The following SLC30A8 variants were observed in gnomAD, a reference collection of about 807,000 sequenced individuals.
SLC30A8 encodes solute carrier family 30 member 8, also known as proton-coupled zinc antiporter SLC30A8.
Under a neutral mutation model 36.9 loss-of-function variants are expected in SLC30A8, and 27 were observed. The observed-to-expected ratio is 0.73, with a 90% CI of 0.54 to 1.01. The LOEUF is 1.01. Among genes scored for constraint, SLC30A8 ranks in the 50% least tolerant of loss-of-function variants. The probability of loss-of-function intolerance (pLI) is 0.00; values close to 1 mark genes in which losing one functional copy is unlikely to be tolerated. For synonymous variants in SLC30A8, 164 were observed against 172.4 expected (o/e 0.95, Z 0.38); for missense variants, 439 against 452.0 (o/e 0.97, Z 0.26).
chr8:117,166,766 A>ATTT (rs71305462), intron 6 of SLC30A8, among the ~76,000 whole-genome samples: 6,593 of 128,556 alleles, frequency 0.051, 255 homozygotes, highest in South Asian at 0.11. Context: ...ACATTAGCTG[A>ATTT]TTTTTTTTTT....
In SLC30A8 at chr8:116,987,628, A is replaced by G. The variant is rs540405397; in HGVS notation, c.-266+36509A>G. Among the ~76,000 whole-genome samples the G allele has an allele frequency of 1.4e-3, 170 of 123,428 alleles. 3 individuals are homozygous for G. Among genetic ancestry groups the G allele is most frequent in the South Asian group, 9.1e-3 (41 of 4,490 alleles). 81.0% of individuals were successfully genotyped at this position (123,428 alleles called of 152,430 possible). ...ATCTCACTACTATTTACCAAAAAAG[A>G]AAAAAAAAAATCCATAGCCTGTGAG... is the stretch of plus-strand genomic sequence containing the variant. On this transcript the variant is annotated intron_variant, in intron 1 of 10. Coordinates refer to the SLC30A8 transcript ENST00000427715.
intron 2 of SLC30A8, among the ~76,000 whole-genome samples, chr8:117,061,583 A>G (rs1388062820): frequency 6.6e-6 from 1 of 152,228 alleles, no homozygotes; most frequent in Non-Finnish European, 1.5e-5. Flanking sequence ...TTTAAATAAT[A>G]CCAAAATATT....
Position 117,157,773 on chromosome 8 carries a change from G to A in SLC30A8, c.501G>A (p.Leu167=), listed in dbSNP as rs560531972. 1.2e-6 allele frequency: 2 copies of A among 1,614,128 alleles called. No homozygotes were observed. The highest frequency in any genetic ancestry group is 1.1e-5 in the South Asian group (1 of 91,084). ...VLVYLACERL[L]YPDYQIQATV... Reference sequence around the variant, plus strand: ...TGTACCTGGCATGTGAGCGCCTGCTGTATCCTGATTACCAGATCCAGGCGA... The same window carrying A: ...TGTACCTGGCATGTGAGCGCCTGCTATATCCTGATTACCAGATCCAGGCGA... The change falls in exon 4 of 8, where the codon CTG becomes CTA. Residue 167 remains leucine (L), a synonymous_variant. Coordinates refer to ENST00000456015, the MANE Select transcript of SLC30A8 (RefSeq NM_173851.3).
chr8:116,963,186 C>G (rs183020547), intron 1 of SLC30A8, among the ~76,000 whole-genome samples: 1 of 152,018 alleles, frequency 6.6e-6, no homozygotes, highest in Non-Finnish European at 1.5e-5. Context: ...ACCCAAGGCC[C>G]GTGAGAACCC....
intron 2 of SLC30A8, among the ~76,000 whole-genome samples, chr8:117,079,862 C>A (rs1247762274): frequency 1.3e-5 from 2 of 152,170 alleles, no homozygotes; most frequent in East Asian, 3.9e-4. Flanking sequence ...TGAGTCAATT[C>A]TTTTTTGTTT....
chr8:116,975,759 T>G (rs1420919450), intron 1 of SLC30A8, among the ~76,000 whole-genome samples: 2 of 152,236 alleles, frequency 1.3e-5, no homozygotes, highest in African/African-American at 2.4e-5. Context: ...TGCCTTTGAT[T>G]TTTAATCTAA....
chr8:117,151,685 A>C (rs17745556), intron 2 of SLC30A8, among the ~76,000 whole-genome samples: 43 of 152,302 alleles, frequency 2.8e-4, no homozygotes, highest in African/African-American at 9.9e-4. Flanking sequence ...AGCACATAGA[A>C]TCGTCATCAC....
At chr8:117,089,623 C>A (rs1819024038) in intron 2 of SLC30A8, among the ~76,000 whole-genome samples, 1 of 152,202 alleles carries the variant, frequency 6.6e-6, no homozygotes, top group Non-Finnish European at 1.5e-5. Flanking sequence ...TGGCAAGGCT[C>A]AGCTAGCATC....
At chr8:117,133,689 CAT>C (rs1821230736), upstream of SLC30A8, among the ~76,000 whole-genome samples, 1 of 152,018 alleles carries the variant, frequency 6.6e-6, no homozygotes, top group Non-Finnish European at 1.5e-5. Context: ...CAAGCTGTGA[CAT>C]ATGGCAGTGT....
chr8:117,108,591 A>C (rs1253734111), intron 2 of SLC30A8, among the ~76,000 whole-genome samples: 1 of 152,202 alleles, frequency 6.6e-6, no homozygotes, highest in Non-Finnish European at 1.5e-5. Flanking sequence ...AACCATCATT[A>C]CACCTTGTTC....
At chr8:116,991,859 C>T (rs1815655616) in intron 1 of SLC30A8, among the ~76,000 whole-genome samples, 1 of 152,150 alleles carries the variant, frequency 6.6e-6, no homozygotes, top group Non-Finnish European at 1.5e-5. Flanking sequence ...GGGTCCACTG[C>T]TAATGCGGAA....
At chr8:117,092,338 T>C (rs1277610056) in intron 2 of SLC30A8, among the ~76,000 whole-genome samples, 1 of 152,178 alleles carries the variant, frequency 6.6e-6, no homozygotes, top group East Asian at 1.9e-4. Flanking sequence ...AAATTTTTAT[T>C]TTTTCTTTAC....
rs375617805 is a variant in SLC30A8, at chr8:117,151,165, C to T, written c.272-1779C>T. Among the ~76,000 whole-genome samples, 6 of 152,274 alleles carry T rather than the reference C, an allele frequency of 3.9e-5. No homozygotes were observed. In the South Asian group the frequency reaches 6.2e-4, roughly 16 times the overall value. On this transcript the variant is annotated intron_variant, in intron 2 of 7. Transcript: ENST00000456015. ...TTATCTCTTCCTGAAAACCCCTTCT[C>T]TTTTTGCTAATTCTTACCCCTCTCT...
chr8:117,037,026 T>TA (rs1554625856), intron 1 of SLC30A8, among the ~76,000 whole-genome samples: 2 of 151,954 alleles, frequency 1.3e-5, no homozygotes, highest in Middle Eastern at 3.4e-3. Flanking sequence ...CATCAATTTT[T>TA]AAATTTTTTT....
At chr8:117,147,856 TTTAA>T (rs1159862075) in intron 2 of SLC30A8, among the ~76,000 whole-genome samples, 10 of 152,190 alleles carry the variant, frequency 6.6e-5, no homozygotes, top group East Asian at 1.9e-4. Flanking sequence ...TATTTATTTC[TTTAA>T]TTGTTACTAT....
In SLC30A8 at chr8:116,997,216, T is replaced by C. The variant is rs544074296; in HGVS notation, c.-265-42003T>C. Among the ~76,000 whole-genome samples, 86 of 152,278 alleles carry C rather than the reference T, an allele frequency of 5.6e-4. 1 individual carries two copies. The highest frequency in any genetic ancestry group is 3.4e-3 in the Middle Eastern group (1 of 294). On this transcript the variant is annotated intron_variant, in intron 1 of 10. Transcript: ENST00000427715. ...TGAAGCATGATCATCTAGGGGCTAA[T>C]GGGTTACAAAATGAGGAACTGCACA... is the stretch of plus-strand genomic sequence containing the variant.
At chr8:116,992,139 A>G (rs975531773) in intron 1 of SLC30A8, among the ~76,000 whole-genome samples, 2 of 152,210 alleles carry the variant, frequency 1.3e-5, no homozygotes, top group African/African-American at 2.4e-5. Flanking sequence ...GTGAAATGGT[A>G]TAAATTATGT....
rs1463098424 is a variant in SLC30A8 at position 117,075,794 on chromosome 8, A to G, written c.-226+36536A>G. ...TTCAGTGGAGTTTGAAACCTATAAC[A>G]TGCAGGCAAAAAACCTTGATAGGGT... On this transcript the variant is annotated intron_variant, in intron 2 of 10. Coordinates refer to the SLC30A8 transcript ENST00000427715. 2.6e-5 allele frequency among the ~76,000 whole-genome samples: 4 copies of G among 152,216 alleles called. No individual in the cohort carries two copies. The East Asian group carries it at 7.7e-4, about 29-fold the overall frequency.
chr8:117,040,646 A>G (rs1360500407), intron 2 of SLC30A8, among the ~76,000 whole-genome samples: 1 of 152,230 alleles, frequency 6.6e-6, no homozygotes, highest in Admixed American at 6.5e-5. Context: ...CAAAATGGTA[A>G]TGAAATGAAT....
Sources: allele counts gnomAD v4.1 joint callset (sites outside exome capture counted in the v4.1 genomes callset), GRCh38; gene constraint gnomAD v4.1.1; transcripts MANE v1.5; gene names NCBI Gene and HGNC (gene_info 2026-07-23, HGNC 2026-07-21).